SRBD1: variants seen among roughly 807,000 people sequenced by gnomAD.
The protein encoded by SRBD1 is S1 RNA-binding domain-containing protein 1.
Under a neutral mutation model 115.3 loss-of-function variants are expected in SRBD1, and 88 were observed. The ratio of observed to expected loss-of-function variants is 0.76; its 90% CI spans 0.64 to 0.91. The LOEUF (loss-of-function observed/expected upper bound fraction) is 0.91. Among genes scored for constraint, SRBD1 ranks in the 40% least tolerant of loss-of-function variants. The pLI is 0.00. For missense variants in SRBD1, 1,385 were observed against 1,177.4 expected, an observed-to-expected ratio of 1.18 and a Z score of -2.58; for synonymous variants, 509 against 407.7, an observed-to-expected ratio of 1.25 and a Z score of -2.99.
chr2:45,545,426 G>T (rs1405977668), intron 14 of SRBD1, among the ~76,000 whole-genome samples: 1 of 149,684 alleles, frequency 6.7e-6, no homozygotes, highest in East Asian at 2.0e-4. Flanking sequence ...AGAAAAAACT[G>T]AAGACATCTT....
At chr2:45,583,516 G>A (rs371048858) in intron 5 of SRBD1, among the ~76,000 whole-genome samples, 2 of 152,050 alleles carry the variant, frequency 1.3e-5, no homozygotes, top group African/African-American at 2.4e-5. Flanking sequence ...AATGTTTTAC[G>A]TTGCAACCCA....
intron 14 of SRBD1, among the ~76,000 whole-genome samples, chr2:45,494,617 A>G (rs1670399908): frequency 6.6e-6 from 1 of 152,222 alleles, no homozygotes; most frequent in Non-Finnish European, 1.5e-5. Context: ...CAAATTATAC[A>G]TCCTTAAATT....
At chr2:45,484,545 T>C (rs1316946701) in intron 15 of SRBD1, among the ~76,000 whole-genome samples, 1 of 152,154 alleles carries the variant, frequency 6.6e-6, no homozygotes, top group Non-Finnish European at 1.5e-5. Flanking sequence ...AGTTCCTCAA[T>C]TGTGTGGAAG....
chr2:45,398,201 A>G (rs1345992198), intron 19 of SRBD1, among the ~76,000 whole-genome samples: 1 of 152,212 alleles, frequency 6.6e-6, no homozygotes, highest in African/African-American at 2.4e-5. Flanking sequence ...CATTTTAAAA[A>G]TGTAACCCCT....
chr2:45,433,286 T>C (rs1417695459), intron 16 of SRBD1, among the ~76,000 whole-genome samples: 2 of 152,142 alleles, frequency 1.3e-5, no homozygotes, highest in African/African-American at 4.8e-5. Flanking sequence ...AGTGCACCCA[T>C]CACAAAAATA....
At chr2:45,502,597 C>T (rs560643255) in intron 14 of SRBD1, among the ~76,000 whole-genome samples, 9 of 151,660 alleles carry the variant, frequency 5.9e-5, no homozygotes, top group South Asian at 2.1e-4. Context: ...AACCATACAC[C>T]GCATGTTCTC....
At chr2:45,549,459 T>C (rs1672225767) in intron 12 of SRBD1, among the ~76,000 whole-genome samples, 1 of 148,816 alleles carries the variant, frequency 6.7e-6, no homozygotes, top group African/African-American at 2.6e-5. Flanking sequence ...AGAATGATTA[T>C]TTTTTTAAGC....
chr2:45,479,696 G>T (rs1266475487), intron 15 of SRBD1, among the ~76,000 whole-genome samples: 1 of 152,228 alleles, frequency 6.6e-6, no homozygotes, highest in African/African-American at 2.4e-5. Flanking sequence ...TGATGTAGAA[G>T]CTGTAGCAAG....
intron 16 of SRBD1, among the ~76,000 whole-genome samples, chr2:45,457,442 A>C (rs898423283): frequency 6.6e-6 from 1 of 151,974 alleles, no homozygotes; most frequent in African/African-American, 2.4e-5. Flanking sequence ...CTAAGAATAC[A>C]TGCACAGCTG....
At chr2:45,526,183 CAA>C (rs937722409) in intron 14 of SRBD1, among the ~76,000 whole-genome samples, 1 of 151,912 alleles carries the variant, frequency 6.6e-6, no homozygotes, top group Non-Finnish European at 1.5e-5. Flanking sequence ...TCATAACAGC[CAA>C]AGAGTGGAAA....
chr2:45,454,863 TTTGAATCAACAGAA>T, intron 16 of SRBD1, among the ~76,000 whole-genome samples: 1 of 152,040 alleles, frequency 6.6e-6, no homozygotes, highest in Non-Finnish European at 1.5e-5. Flanking sequence ...TCTATTCTAA[TTTGAATCAACAGAA>T]TAATCACAGA....
At chr2:45,518,155 T>C (rs1671176364) in intron 14 of SRBD1, among the ~76,000 whole-genome samples, 1 of 152,078 alleles carries the variant, frequency 6.6e-6, no homozygotes, top group Non-Finnish European at 1.5e-5. Flanking sequence ...CAATAATATA[T>C]TTAGCCTCCA....
Position 45,418,395 on chromosome 2 carries a change from A to G in SRBD1, c.2303T>C (p.Ile768Thr), listed in dbSNP as rs1277479406. ...SFQQCAGFIR[I>T]NQDYIRTFCS... ...AAACGTTCGGATATAATCCTGGTTGATTCTGATGAAGCCAGCACACTGTTG... is the reference window on the plus strand; with the variant it reads ...AAACGTTCGGATATAATCCTGGTTGGTTCTGATGAAGCCAGCACACTGTTG... The change falls in exon 18 of 21, where the codon ATC becomes ACC. Residue 768 changes from isoleucine to threonine, a missense_variant. Physicochemically the swap from Ile to Thr is moderately conservative, Grantham distance 89. Coordinates refer to ENST00000263736, the MANE Select transcript of SRBD1 (RefSeq NM_018079.5). 6.2e-7 allele frequency: 1 copy of G among 1,613,994 alleles called. No individual in the cohort carries two copies.
Position 45,562,652 on chromosome 2 carries a change from C to A in SRBD1, c.1409+1G>T. On this transcript the variant is annotated splice_donor_variant, in intron 10 of 20. Transcript: ENST00000263736. LOFTEE classifies it high-confidence loss of function. ...AATTCTGTAAATATCTGTAAACAGA[C>A]CTGTTTTGGATGCACCACCTACAGA... 2 of 1,596,358 alleles carry A rather than the reference C, an allele frequency of 1.3e-6. No homozygotes were observed. The highest frequency in any genetic ancestry group is 1.1e-5 in the South Asian group (1 of 87,946).
At chr2:45,410,308 A>G (rs981675513) in intron 19 of SRBD1, among the ~76,000 whole-genome samples, 1 of 152,234 alleles carries the variant, frequency 6.6e-6, no homozygotes, top group African/African-American at 2.4e-5. Flanking sequence ...GTGAAATGGT[A>G]CGACCAGAGG....
At chr2:45,608,404 ATGTCT>A (rs1418698321) in intron 1 of SRBD1, among the ~76,000 whole-genome samples, 2 of 152,214 alleles carry the variant, frequency 1.3e-5, no homozygotes, top group Non-Finnish European at 2.9e-5. Flanking sequence ...CTTGGAAATT[ATGTCT>A]TTAAAACTAC....
intron 16 of SRBD1, among the ~76,000 whole-genome samples, chr2:45,455,930 T>C (rs1669138547): frequency 6.6e-6 from 1 of 151,848 alleles, no homozygotes; most frequent in Non-Finnish European, 1.5e-5. Context: ...TTGTTAAAAC[T>C]GTAACATTGC....
At chr2:45,567,961 C>T (rs1405001802) in intron 9 of SRBD1, 1 of 151,952 alleles carries the variant, frequency 6.6e-6, no homozygotes, top group Admixed American at 6.6e-5. Context: ...ACAGGAAGAC[C>T]CATGGTGGAG....
intron 14 of SRBD1, among the ~76,000 whole-genome samples, chr2:45,518,585 G>A (rs577717688): frequency 6.6e-6 from 1 of 152,278 alleles, no homozygotes; most frequent in South Asian, 2.1e-4. Flanking sequence ...CATGACTAAG[G>A]ACAAGTCGGT....
Sources: allele counts gnomAD v4.1 joint callset (sites outside exome capture counted in the v4.1 genomes callset), GRCh38; gene constraint gnomAD v4.1.1; transcripts MANE v1.5; gene names NCBI Gene and HGNC (gene_info 2026-07-23, HGNC 2026-07-21).